Variants in SLC1A6 observed in about 807,000 individuals in gnomAD.
The protein encoded by SLC1A6 is excitatory amino acid transporter 4.
In SLC1A6, 15 loss-of-function variants were observed where a neutral mutation model predicts 42.1. That is an observed-to-expected ratio of 0.36 (90% CI 0.24 to 0.55). The LOEUF (loss-of-function observed/expected upper bound fraction) is 0.55. SLC1A6 is among the 20% of genes least tolerant of loss of function. The probability of loss-of-function intolerance (pLI) is 0.88; values close to 1 mark genes in which losing one functional copy is unlikely to be tolerated. For synonymous variants in SLC1A6, 317 were observed against 319.7 expected (o/e 0.99, Z 0.09); for missense variants, 542 against 772.5 (o/e 0.70, Z 3.54).
Position 14,968,371 on chromosome 19 carries a change from C to T in SLC1A6, c.480G>A (p.Lys160=), listed in dbSNP as rs866985910. ...TCCGGCCCTCCCGGTGCAGCCCCTCCTTGGAGCCCTTCCCGGGATGGATGA... is the reference window on the plus strand; with the variant it reads ...TCCGGCCCTCCCGGTGCAGCCCCTCTTTGGAGCCCTTCCCGGGATGGATGA... ...VTIIHPGKGS[K]EGLHREGRIE... The change falls in exon 4 of 10, where the codon AAG becomes AAA. Residue 160 remains lysine, a synonymous_variant. Transcript: ENST00000594383. The T allele has an allele frequency of 2.5e-6, 4 of 1,613,836 alleles. No homozygotes were observed. The highest frequency in any genetic ancestry group is 3.4e-6 in the Non-Finnish European group (4 of 1,179,902).
Position 14,968,330 on chromosome 19 carries a change from G to A in SLC1A6, c.521C>T (p.Thr174Ile). Reference sequence around the variant, plus strand: ...GATCAGGTCCATGAAGGCATCAGCTGTGGGGATGGTCTCGATCCGGCCCTC... The same window carrying A: ...GATCAGGTCCATGAAGGCATCAGCTATGGGGATGGTCTCGATCCGGCCCTC... ...HREGRIETIP[T>I]ADAFMDLIRN... Residue 174 changes from threonine to isoleucine, a missense_variant, in exon 4 of 10, where the codon ACA becomes ATA. Physicochemically the swap from Thr to Ile is moderately conservative, Grantham distance 89 (BLOSUM62 -1). Transcript: ENST00000594383. 6.2e-7 allele frequency: 1 copy of A among 1,613,634 alleles called. No individual in the cohort carries two copies. The highest frequency in any genetic ancestry group is 8.5e-7 in the Non-Finnish European group (1 of 1,179,850).
intron 1 of SLC1A6, among the ~76,000 whole-genome samples, chr19:14,987,589 A>C (rs1219548658): frequency 6.6e-6 from 1 of 152,196 alleles, no homozygotes; most frequent in Non-Finnish European, 1.5e-5. Context: ...TGCGCAGGTG[A>C]TATTTGAGCA....
intron 1 of SLC1A6, among the ~76,000 whole-genome samples, chr19:14,992,897 T>C (rs2045827714): frequency 6.6e-6 from 1 of 152,104 alleles, no homozygotes; most frequent in African/African-American, 2.4e-5. Flanking sequence ...CTAATTCCTC[T>C]GTGGGAAACG....
At position 14,973,210 on chromosome 19, in the gene SLC1A6, G is replaced by T. The variant is rs567896542; in HGVS notation, c.-7-293C>A. The stretch of plus-strand genomic sequence containing the variant: ...GAGCCCAAGAGTTCAAGGTTACAGT[G>T]ATCTATGATCTTCCCAGCCTGAGCA... On this transcript the variant is annotated intron_variant, in intron 1 of 9. Transcript: ENST00000594383. 5.0e-4 allele frequency: 195 copies of T among 387,970 alleles called. 1 individual carries two copies. Among genetic ancestry groups the T allele is most frequent in the Non-Finnish European group, 7.9e-4 (171 of 217,446 alleles). 24.0% of individuals were successfully genotyped at this position (387,970 alleles called of 1,614,324 possible).
intron 1 of SLC1A6, chr19:14,973,677 G>A (rs903876260): frequency 1.3e-5 from 2 of 152,722 alleles, no homozygotes; most frequent in Non-Finnish European, 2.9e-5. Flanking sequence ...AGTGGCTCAA[G>A]GGAAATTAAC....
chr19:15,003,925 C>T (rs2145243574), intron 1 of SLC1A6, among the ~76,000 whole-genome samples: 1 of 152,200 alleles, frequency 6.6e-6, no homozygotes, highest in Non-Finnish European at 1.5e-5. Flanking sequence ...GGAGGCCAAG[C>T]CGGGTGGATT....
intron 1 of SLC1A6, among the ~76,000 whole-genome samples, chr19:14,993,892 G>A (rs1056897594): frequency 3.3e-5 from 5 of 152,122 alleles, no homozygotes; most frequent in Non-Finnish European, 7.4e-5. Context: ...CTGAAAGCTT[G>A]TAGATAAGAT....
intron 1 of SLC1A6, among the ~76,000 whole-genome samples, chr19:14,975,913 GAAGGA>G (rs1376997818): frequency 6.7e-6 from 1 of 149,808 alleles, no homozygotes; most frequent in Non-Finnish European, 1.5e-5. Flanking sequence ...AGGGGGAAGG[GAAGGA>G]AAGGGAAGGG....
chr19:14,962,256 T>G lies in SLC1A6; in HGVS notation c.681A>C (p.Pro227=). ...AGCTGGTTCCGTTCTCCACTGAGAA[T>G]GGAGGAGGCATGGAGGCACCCGGCT... ...GSEPGASMPP[P]FSVENGTSFL... The change falls in exon 6 of 10, where the codon CCA becomes CCC. Residue 227 remains proline (P), a synonymous_variant. Transcript: ENST00000594383. 6.2e-7 allele frequency: 1 copy of G among 1,613,890 alleles called. No homozygotes were observed. Among genetic ancestry groups the G allele is most frequent in the South Asian group, 1.1e-5 (1 of 91,076 alleles).
chr19:15,010,203 A>AG (rs1321753940), intron 1 of SLC1A6, among the ~76,000 whole-genome samples: 7 of 82,258 alleles, frequency 8.5e-5, no homozygotes, highest in African/African-American at 2.8e-4. Flanking sequence ...AAAAAGAAAG[A>AG]AAGAAAAAAG....
upstream of SLC1A6, among the ~76,000 whole-genome samples, chr19:14,982,545 A>C (rs1035295285): frequency 1.3e-5 from 2 of 152,238 alleles, no homozygotes; most frequent in African/African-American, 4.8e-5. Flanking sequence ...AGTTATCTGT[A>C]ACAATAACAT....
intron 4 of SLC1A6, among the ~76,000 whole-genome samples, chr19:14,967,066 A>G (rs57669884): frequency 0.069 from 10,551 of 152,216 alleles, 567 homozygotes; most frequent in East Asian, 0.22. Flanking sequence ...TATAAATTAA[A>G]AAATCATGCT....
In SLC1A6 at chr19:14,962,064, G is replaced by A; in HGVS notation, c.873C>T (p.Val291=). Residue 291 remains valine (V), a synonymous_variant, in exon 6 of 10, where the codon GTC becomes GTT. Coordinates refer to ENST00000594383, the MANE Select transcript of SLC1A6 (RefSeq NM_005071.3). The part of the protein sequence containing the change: ...VIGGMKHKGR[V]LRDFFDSLNE... ...TGAGGCTGTCGAAGAAGTCCCTGAG[G>A]ACTCTGCCCTTGTGTTTCATGCCAC... 1 of 1,614,218 alleles carries A rather than the reference G, an allele frequency of 6.2e-7. No individual in the cohort carries two copies. The highest frequency in any genetic ancestry group is 8.5e-7 in the Non-Finnish European group (1 of 1,180,046).
chr19:15,003,135 C>T (rs563464132), intron 1 of SLC1A6, among the ~76,000 whole-genome samples: 4 of 152,216 alleles, frequency 2.6e-5, no homozygotes, highest in African/African-American at 4.8e-5. Context: ...TGTGCCACCA[C>T]GCCCAGCTAA....
intron 1 of SLC1A6, among the ~76,000 whole-genome samples, chr19:14,995,339 AAAAAAGAAAGAAAG>A (rs1256963825): frequency 9.9e-6 from 1 of 100,946 alleles, no homozygotes; most frequent in Admixed American, 1.1e-4. Flanking sequence ...AAAAAAAAAA[AAAAAAGAAAGAAAG>A]AAAGAAAGAA....
intron 5 of SLC1A6, among the ~76,000 whole-genome samples, chr19:14,963,252 G>A (rs1689574882): frequency 6.6e-6 from 1 of 152,166 alleles, no homozygotes; most frequent in African/African-American, 2.4e-5. Flanking sequence ...ATTTAAAAGA[G>A]TTGGACTCAT....
rs999160649 is a variant in SLC1A6, at chr19:14,962,135, C to T, written c.802G>A (p.Ala268Thr). The change falls in exon 6 of 10, where the codon GCC (alanine) becomes ACC (threonine). Residue 268 changes from alanine (A) to threonine (T), a missense_variant. Coordinates refer to ENST00000594383, the MANE Select transcript of SLC1A6 (RefSeq NM_005071.3). ...PVPGSANGIN[A>T]LGLVVFSVAF... Reference sequence around the variant, plus strand: ...ACAGAGAAGACCACGAGGCCCAGGGCGTTGATGCCATTGGCGGAGCCAGGC... The same window carrying T: ...ACAGAGAAGACCACGAGGCCCAGGGTGTTGATGCCATTGGCGGAGCCAGGC... 2 of 1,614,210 alleles carry T rather than the reference C, an allele frequency of 1.2e-6. No homozygotes were observed. The highest frequency in any genetic ancestry group is 8.5e-7 in the Non-Finnish European group (1 of 1,180,036).
chr19:14,991,840 CTTTTTTT>C (rs887859176), intron 1 of SLC1A6, among the ~76,000 whole-genome samples: 2 of 110,146 alleles, frequency 1.8e-5, no homozygotes, highest in East Asian at 2.6e-4. Context: ...CTGCTTTTTT[CTTTTTTT>C]TTTTTTTCTA....
Position 14,988,065 on chromosome 19 carries a change from C to G in SLC1A6, c.7-15148G>C, listed in dbSNP as rs556739106. 1.6e-3 allele frequency among the ~76,000 whole-genome samples: 244 copies of G among 152,238 alleles called. 1 individual carries two copies. The highest frequency in any genetic ancestry group is 2.9e-3 in the South Asian group (14 of 4,822). On this transcript the variant is annotated intron_variant, in intron 1 of 8. Coordinates refer to the SLC1A6 transcript ENST00000430939. ...GTGCACACCTGTAATCCCAACTACT[C>G]AGGAGGCTGAGGCAGGAGAATTTCT...
Sources: gnomAD v4.1 joint callset for allele counts (sites outside exome capture counted in the v4.1 genomes callset) on GRCh38, gnomAD v4.1.1 for gene constraint, MANE v1.5 for transcripts, NCBI Gene and HGNC (gene_info 2026-07-23, HGNC 2026-07-21) for gene names.